GIPC1: variants seen among roughly 807,000 people sequenced by gnomAD.
The protein encoded by GIPC1 is GIPC PDZ domain containing family member 1.
Under a neutral mutation model 28.5 loss-of-function variants are expected in GIPC1, and 15 were observed. The ratio of observed to expected loss-of-function variants is 0.53; its 90% confidence interval spans 0.35 to 0.81. GIPC1 has a LOEUF of 0.81. GIPC1 is among the 30% of genes least tolerant of loss of function. The probability of loss-of-function intolerance (pLI) is 0.01; values close to 1 mark genes in which losing one functional copy is unlikely to be tolerated. For missense variants in GIPC1, 439 were observed against 481.9 expected, an observed-to-expected ratio of 0.91 and a Z score of 0.83; for synonymous variants, 224 against 206.1, an observed-to-expected ratio of 1.09 and a Z score of -0.74.
rs1323157241 is a variant in GIPC1 at position 14,478,265 on chromosome 19, G to C, written c.*151C>G. The C allele has an allele frequency of 1.3e-6, 1 of 766,748 alleles. No homozygotes were observed. The allele number at this position is 766,748 out of a possible 1,614,324, so 47.5% of individuals were successfully genotyped here. A position where few individuals can be genotyped will look rare whatever the true frequency, so the allele number is the denominator to read the frequency against. On this transcript the variant is annotated 3_prime_UTR_variant, in exon 9 of 9. Transcript: ENST00000393033. This position sits in a 1 kb window ranked among gnomAD's most constrained non-coding sequence, Gnocchi z 5.2. ...GAGGGGATGGTACCGATTGGAGCGGGGCAGGGGGCCTGGCCCCACCTCCCC... is the reference window on the plus strand; with the variant it reads ...GAGGGGATGGTACCGATTGGAGCGGCGCAGGGGGCCTGGCCCCACCTCCCC...
Position 14,478,359 on chromosome 19 carries a change from G to A in GIPC1, c.*57C>T, listed in dbSNP as rs1250879080. 2 of 1,519,212 alleles carry A rather than the reference G, an allele frequency of 1.3e-6. No individual in the cohort carries two copies. The highest frequency in any genetic ancestry group is 1.8e-6 in the Non-Finnish European group (2 of 1,124,908). The allele number at this position is 1,519,212 out of a possible 1,614,324, so 94.1% of individuals were successfully genotyped here. On this transcript the variant is annotated 3_prime_UTR_variant, in exon 9 of 9. Transcript: ENST00000393033. The surrounding 1 kb of genome is among the most constrained non-coding windows in gnomAD (Gnocchi z 5.2). ...CTCGGGTCCTGACGTCAGTGTCCCT[G>A]CTGGGGGCCCCCACCAGGTTGCGCC...
At position 14,491,264 on chromosome 19, in the gene GIPC1, C is replaced by CT. The variant is rs201761180; in HGVS notation, c.-31+391dup. Reference sequence around the variant, plus strand: ...TGGATTCAGCTTGGCCGCATCCAATCTTTTTTTTTTTTGAGATGAACTCTC... The same window carrying CT: ...TGGATTCAGCTTGGCCGCATCCAATCTTTTTTTTTTTTTGAGATGAACTCTC... On this transcript the variant is annotated intron_variant, in intron 3 of 8. Transcript: ENST00000393033. Among the ~76,000 whole-genome samples, 255 of 145,718 alleles carry CT rather than the reference C, an allele frequency of 1.7e-3. 1 individual carries two copies. The highest frequency in any genetic ancestry group is 0.012 in the East Asian group (61 of 4,944).
At chr19:14,484,183 T>C (rs1369294744) in intron 3 of GIPC1, among the ~76,000 whole-genome samples, 2 of 146,420 alleles carry the variant, frequency 1.4e-5, no homozygotes, top group African/African-American at 5.1e-5. Flanking sequence ...CAGGCTGGAG[T>C]GCAGTGGTGC....
At position 14,478,659 on chromosome 19, in the gene GIPC1, C is replaced by T. The variant is rs953047232; in HGVS notation, c.850+25G>A. The T allele has an allele frequency of 7.4e-6, 12 of 1,612,214 alleles. No individual in the cohort carries two copies. The highest frequency in any genetic ancestry group is 1.3e-5 in the African/African-American group (1 of 74,828). ...CGGCCCCCAGCAGACCTAGATGCCC[C>T]CTCCCCCAGGCAGCCCTCACTCACC... On this transcript the variant is annotated intron_variant, in intron 8 of 8. Coordinates refer to ENST00000393033, the MANE Select transcript of GIPC1 (RefSeq NM_005716.4). This position sits in a 1 kb window ranked among gnomAD's most constrained non-coding sequence, Gnocchi z 5.2.
intron 3 of GIPC1, among the ~76,000 whole-genome samples, chr19:14,487,680 T>C (rs1221326597): frequency 7.3e-6 from 1 of 137,926 alleles, no homozygotes; most frequent in Non-Finnish European, 1.5e-5. Flanking sequence ...TTTTCCTTTA[T>C]TTTCCTTTTT....
Position 14,479,440 on chromosome 19 carries a change from G to C in GIPC1, c.740C>G (p.Ser247Cys), listed in dbSNP as rs906009599. Residue 247 changes from serine (S) to cysteine (C), a missense_variant, in exon 7 of 9, where the codon TCC (serine) becomes TGC (cysteine). Transcript: ENST00000393033. ...GTGRGTLRLR[S>C]RGPATVEDLP... The stretch of plus-strand genomic sequence containing the variant: ...ATCCTCCACCGTGGCGGGGCCCCGG[G>C]ATCGGAGCCGCAGGGTCCCTCGGCC... The C allele has an allele frequency of 1.4e-6, 2 of 1,424,262 alleles. No individual in the cohort carries two copies. The highest frequency in any genetic ancestry group is 1.5e-5 in the African/African-American group (1 of 66,432). 88.2% of individuals were successfully genotyped at this position (1,424,262 alleles called of 1,614,324 possible).
chr19:14,480,284 G>C (rs1178805535), intron 6 of GIPC1, 21 bp downstream of exon 6: 2 of 1,601,040 alleles, frequency 1.2e-6, no homozygotes, highest in Admixed American at 3.3e-5. Flanking sequence ...CACTGGGGAG[G>C]TCCAGGGGGC....
intron 3 of GIPC1, among the ~76,000 whole-genome samples, chr19:14,486,080 C>T (rs1294404602): frequency 1.3e-5 from 2 of 152,074 alleles, no homozygotes; most frequent in African/African-American, 4.8e-5. Flanking sequence ...AGGAGGTGAT[C>T]TTTCTCTGTT....
At chr19:14,483,189 C>G (rs556988842) in intron 3 of GIPC1, 183 bp from the exon 4 acceptor site, 8 of 565,470 alleles carry the variant, frequency 1.4e-5, no homozygotes, top group African/African-American at 1.2e-4. Flanking sequence ...GGTGCGGTGG[C>G]TCACGCCTGT....
chr19:14,482,636 C>G (rs1275721528), intron 4 of GIPC1, 53 bp downstream of exon 4: 12 of 1,562,302 alleles, frequency 7.7e-6, no homozygotes, highest in Non-Finnish European at 7.9e-6. Context: ...GATGCAGGCC[C>G]AGACCTCTGG....
intron 3 of GIPC1, chr19:14,489,597 A>G (rs746229472): frequency 8.7e-6 from 10 of 1,150,688 alleles, no homozygotes; most frequent in African/African-American, 1.5e-5. Flanking sequence ...TCATCATGTT[A>G]GAAGCCTTGG....
intron 7 of GIPC1, among the ~76,000 whole-genome samples, chr19:14,479,179 C>G (rs1193739198): frequency 6.6e-6 from 1 of 152,102 alleles, no homozygotes; most frequent in Non-Finnish European, 1.5e-5. Flanking sequence ...TGGTGAAACC[C>G]CATCTCTACT....
intron 3 of GIPC1, among the ~76,000 whole-genome samples, chr19:14,488,771 T>TC: frequency 8.2e-6 from 1 of 122,476 alleles, no homozygotes. Flanking sequence ...AGACTCGGTC[T>TC]AAACAAAAAA....
rs1188461917 is a variant in GIPC1 at position 14,478,115 on chromosome 19, G to C, written c.*301C>G. On this transcript the variant is annotated 3_prime_UTR_variant, in exon 9 of 9. Transcript: ENST00000393033. The surrounding 1 kb of genome is among the most constrained non-coding windows in gnomAD (Gnocchi z 5.2). The stretch of plus-strand genomic sequence containing the variant: ...CCAGTTTGGCAGCTGATGGTGGAAA[G>C]TGGTGGAGGCGGGGGTGGCCGCCCA... 6 of 361,490 alleles carry C rather than the reference G, an allele frequency of 1.7e-5. No homozygotes were observed. In the East Asian group the frequency reaches 2.7e-4, roughly 16 times the overall value. The allele number at this position is 361,490 out of a possible 1,614,324, so 22.4% of individuals were successfully genotyped here.
chr19:14,482,515 C>T, intron 4 of GIPC1, 174 bp downstream of exon 4: 1 of 654,308 alleles, frequency 1.5e-6, no homozygotes. Context: ...ACAAGCCTCC[C>T]AGTGCCTCAT....
At chr19:14,487,911 G>A (rs2071881931) in intron 3 of GIPC1, among the ~76,000 whole-genome samples, 1 of 151,906 alleles carries the variant, frequency 6.6e-6, no homozygotes, top group African/African-American at 2.4e-5. Context: ...AAACTCCTGG[G>A]CTCAAGTAAT....
chr19:14,486,079 T>A (rs941578979), intron 3 of GIPC1, among the ~76,000 whole-genome samples: 2 of 152,014 alleles, frequency 1.3e-5, no homozygotes, highest in Non-Finnish European at 2.9e-5. Flanking sequence ...AAGGAGGTGA[T>A]CTTTCTCTGT....
At chr19:14,493,060 T>TGCCCA (rs2072004405) in intron 1 of GIPC1, 148 bp from the exon 2 acceptor site, 2 of 152,722 alleles carry the variant, frequency 1.3e-5, no homozygotes, top group Admixed American at 1.3e-4. Flanking sequence ...TGCCCTGCCC[T>TGCCCA]GCCCAGGAAT....
intron 2 of GIPC1, among the ~76,000 whole-genome samples, chr19:14,492,071 A>G (rs181481895): frequency 1.4e-3 from 219 of 152,080 alleles, no homozygotes; most frequent in African/African-American, 5.1e-3. Flanking sequence ...CCATCTCAAA[A>G]AAAAGAAAAA....
Sources: allele counts gnomAD v4.1 joint callset (sites outside exome capture counted in the v4.1 genomes callset), GRCh38; gene constraint gnomAD v4.1.1; non-coding constraint Gnocchi (gnomAD v3.1); transcripts MANE v1.5; gene names NCBI Gene and HGNC (gene_info 2026-07-23, HGNC 2026-07-21).